Variants in DAAM1 observed in about 807,000 individuals in gnomAD.
The protein encoded by DAAM1 is dishevelled associated activator of morphogenesis 1, also known as disheveled-associated activator of morphogenesis 1.
In DAAM1, 52 loss-of-function variants were observed where a neutral mutation model predicts 130.0. The ratio of observed to expected loss-of-function variants is 0.40; its 90% CI spans 0.32 to 0.50. The LOEUF is 0.50. Ranked by LOEUF, DAAM1 falls within the 20% of genes least tolerant of loss-of-function variation. The probability of loss-of-function intolerance (pLI) is 0.61; values close to 1 mark genes in which losing one functional copy is unlikely to be tolerated. For synonymous variants in DAAM1, 452 were observed against 444.5 expected, an observed-to-expected ratio of 1.02 and a Z score of -0.21; for missense variants, 1,134 against 1,303.8, an observed-to-expected ratio of 0.87 and a Z score of 2.01.
At chr14:59,340,275 C>A in intron 16 of DAAM1, 95 bp downstream of exon 16, 2 of 1,143,860 alleles carry the variant, frequency 1.7e-6, no homozygotes, top group Non-Finnish European at 2.5e-6. Context: ...TAATTGTACT[C>A]TGCTGAGGTA....
intron 1 of DAAM1, among the ~76,000 whole-genome samples, chr14:59,254,980 C>G (rs867328376): frequency 3.9e-5 from 6 of 152,170 alleles, no homozygotes; most frequent in African/African-American, 1.2e-4. Context: ...CCTCCCTTAT[C>G]TAGGGAGAAA....
intron 1 of DAAM1, among the ~76,000 whole-genome samples, chr14:59,221,580 T>C (rs575398283): frequency 4.9e-4 from 74 of 152,366 alleles, no homozygotes; most frequent in African/African-American, 1.7e-3. Context: ...TCATTTTTCA[T>C]TGGCCTTAGT....
At chr14:59,215,976 G>A (rs1888566256) in intron 1 of DAAM1, among the ~76,000 whole-genome samples, 1 of 152,246 alleles carries the variant, frequency 6.6e-6, no homozygotes, top group Middle Eastern at 3.4e-3. Context: ...ATGAATGACA[G>A]GCTTGTTTGC....
chr14:59,229,290 TTTTGA>T (rs1889033694), intron 1 of DAAM1, among the ~76,000 whole-genome samples: 1 of 152,222 alleles, frequency 6.6e-6, no homozygotes, highest in East Asian at 1.9e-4. Flanking sequence ...GTCATTTGGC[TTTTGA>T]TTTTTGTGAG....
intron 1 of DAAM1, among the ~76,000 whole-genome samples, chr14:59,236,357 CT>C (rs1889297614): frequency 6.6e-6 from 1 of 152,092 alleles, no homozygotes; most frequent in Non-Finnish European, 1.5e-5. Context: ...TGGTCTGGCT[CT>C]TGCTAAGCCC....
chr14:59,342,381 C>T (rs1274990799), intron 16 of DAAM1, among the ~76,000 whole-genome samples: 3 of 152,130 alleles, frequency 2.0e-5, no homozygotes, highest in East Asian at 1.9e-4. Context: ...ATCAGGAAAG[C>T]ACAGAATGAC....
intron 5 of DAAM1, among the ~76,000 whole-genome samples, chr14:59,321,395 A>T (rs1885003936): frequency 6.6e-6 from 1 of 152,244 alleles, no homozygotes; most frequent in Admixed American, 6.5e-5. Context: ...ATATACTAAA[A>T]GCTACTGAAT....
chr14:59,276,822 CA>C (rs1882988988), intron 2 of DAAM1, among the ~76,000 whole-genome samples: 1 of 152,142 alleles, frequency 6.6e-6, no homozygotes, highest in Non-Finnish European at 1.5e-5. Context: ...CAATCACATA[CA>C]AATAGCGAGT....
rs181045537 is a variant in DAAM1, at chr14:59,221,959, C to T, written c.-38+33191C>T. ...CCACTCCCATTTCCACTCCTGATTC[C>T]TATACCTGTGAATCTTGGCTGTCAG... is the stretch of plus-strand genomic sequence containing the variant. On this transcript the variant is annotated intron_variant, in intron 1 of 24. Coordinates refer to ENST00000360909, the MANE Select transcript of DAAM1 (RefSeq NM_001270520.2). Among the ~76,000 whole-genome samples the T allele has an allele frequency of 1.3e-3, 203 of 152,300 alleles. 3 individuals are homozygous for T. The highest frequency in any genetic ancestry group is 3.4e-3 in the Middle Eastern group (1 of 294).
At chr14:59,256,639 C>G (rs1203418346) in intron 1 of DAAM1, among the ~76,000 whole-genome samples, 1 of 152,210 alleles carries the variant, frequency 6.6e-6, no homozygotes, top group Non-Finnish European at 1.5e-5. Context: ...GCCCAGCTGT[C>G]ATGGTGGAAT....
At chr14:59,242,140 T>C (rs1881152852) in intron 1 of DAAM1, among the ~76,000 whole-genome samples, 1 of 152,264 alleles carries the variant, frequency 6.6e-6, no homozygotes, top group East Asian at 1.9e-4. Context: ...AGGAACAGAG[T>C]TGGGACTAGA....
At chr14:59,359,661 T>G (rs568326969) in intron 21 of DAAM1, among the ~76,000 whole-genome samples, 157 bp downstream of exon 21, 1 of 152,342 alleles carries the variant, frequency 6.6e-6, no homozygotes, top group Non-Finnish European at 1.5e-5. Flanking sequence ...CTCAAATGTA[T>G]TACAAGGTTT....
rs540237562 is a variant in DAAM1, at chr14:59,279,639, G to A, written c.184-11578G>A. Among the ~76,000 whole-genome samples, 70 of 152,268 alleles carry A rather than the reference G, an allele frequency of 4.6e-4. 1 individual carries two copies. Among genetic ancestry groups the A allele is most frequent in the Non-Finnish European group, 8.8e-4 (60 of 68,018 alleles). On this transcript the variant is annotated intron_variant, in intron 2 of 24. Coordinates refer to ENST00000360909, the MANE Select transcript of DAAM1 (RefSeq NM_001270520.2). The stretch of plus-strand genomic sequence containing the variant: ...TAGAAGCTAAAACTAAAACCGTACA[G>A]CTTCCAGAAGAAACCATACAATTTT...
chr14:59,318,344 G>C (rs530536520), intron 4 of DAAM1, among the ~76,000 whole-genome samples: 1 of 151,496 alleles, frequency 6.6e-6, no homozygotes, highest in Non-Finnish European at 1.5e-5. Flanking sequence ...TGTCAGACCC[G>C]CGTGTTCCAA....
intron 1 of DAAM1, among the ~76,000 whole-genome samples, chr14:59,214,036 G>C (rs972773886): frequency 6.6e-6 from 1 of 152,206 alleles, no homozygotes; most frequent in Non-Finnish European, 1.5e-5. Flanking sequence ...TACCTGGTTT[G>C]ATTTGGCCTG....
intron 1 of DAAM1, among the ~76,000 whole-genome samples, chr14:59,232,633 C>CTTTTTTTTTTTTTTTTTTT (rs199972715): frequency 6.8e-6 from 1 of 146,694 alleles, no homozygotes; most frequent in Non-Finnish European, 1.5e-5. Context: ...AAAATTTTCT[C>CTTTTTTTTTTTTTTTTTTT]TTTTTTTTTT....
Position 59,263,442 on chromosome 14 carries a change from G to A in DAAM1, c.-36G>A, listed in dbSNP as rs375661215. On this transcript the variant is annotated splice_region_variant and 5_prime_UTR_variant, in exon 2 of 25. Transcript: ENST00000360909. ...CCATGTCATATCCTCTTTTTGCAGC[G>A]TTTAGTCACATCAAGAAATAGAACA... 197 of 1,611,922 alleles carry A rather than the reference G, an allele frequency of 1.2e-4. 1 individual carries two copies. The highest frequency in any genetic ancestry group is 7.2e-4 in the Admixed American group (43 of 59,880).
chr14:59,348,751 G>A (rs1247671736), intron 17 of DAAM1, among the ~76,000 whole-genome samples: 4 of 152,102 alleles, frequency 2.6e-5, no homozygotes, highest in East Asian at 1.9e-4. Context: ...CTGTTTGCAC[G>A]TGTGTTTTCC....
At chr14:59,264,235 A>G (rs1882324911) in intron 2 of DAAM1, 1 of 161,520 alleles carries the variant, frequency 6.2e-6, no homozygotes, top group Admixed American at 5.7e-5. Flanking sequence ...TTAGAATCAA[A>G]TATACTGAAA....
Sources: gnomAD v4.1 joint callset for allele counts (sites outside exome capture counted in the v4.1 genomes callset) on GRCh38, gnomAD v4.1.1 for gene constraint, MANE v1.5 for transcripts, NCBI Gene and HGNC (gene_info 2026-07-23, HGNC 2026-07-21) for gene names.